The following ZNF888 variants were observed in gnomAD, a reference collection of about 807,000 sequenced individuals.
The protein encoded by ZNF888 is CTD-2331H12.6.
A neutral mutation model predicts 7.2 loss-of-function variants in ZNF888; 5 were observed. That is an observed-to-expected ratio of 0.70 (90% CI 0.36 to 1.46). The LOEUF is 1.46. Ranked by LOEUF, ZNF888 falls within the 40% of genes most tolerant of loss-of-function variation. The probability of loss-of-function intolerance (pLI) is 0.03; values close to 1 mark genes in which losing one functional copy is unlikely to be tolerated. For synonymous variants in ZNF888, 240 were observed against 284.3 expected (o/e 0.84, Z 1.57); for missense variants, 716 against 858.0 (o/e 0.83, Z 2.07).
At position 52,906,078 on chromosome 19, in the gene ZNF888, A is replaced by G. The variant is rs573872913; in HGVS notation, c.*87T>C. On this transcript the variant is annotated 3_prime_UTR_variant, in exon 5 of 5. Coordinates refer to ENST00000638862, the MANE Select transcript of ZNF888 (RefSeq NM_001393938.1). Reference sequence around the variant, plus strand: ...GTCTGAAAAATTTGCCACATTTACTACACTTGTAAGATCTCTATTCATTAT... The same window carrying G: ...GTCTGAAAAATTTGCCACATTTACTGCACTTGTAAGATCTCTATTCATTAT... 5 of 1,600,104 alleles carry G rather than the reference A, an allele frequency of 3.1e-6. No homozygotes were observed. The South Asian group carries it at 3.3e-5, about 11-fold the overall frequency.
At chr19:52,910,465 C>A (rs1339123001) in intron 4 of ZNF888, among the ~76,000 whole-genome samples, 1 of 151,990 alleles carries the variant, frequency 6.6e-6, no homozygotes, top group African/African-American at 2.4e-5. Context: ...AATGCGACTA[C>A]ATCTCAAAAA....
At chr19:52,916,884 C>T (rs1005634080) in intron 3 of ZNF888, among the ~76,000 whole-genome samples, 3 of 151,760 alleles carry the variant, frequency 2.0e-5, no homozygotes, top group African/African-American at 7.3e-5. Flanking sequence ...TGCACTCCAG[C>T]CTGGGTGACA....
chr19:52,920,206 G>A (rs2064808878), intron 1 of ZNF888, among the ~76,000 whole-genome samples: 1 of 63,554 alleles, frequency 1.6e-5, no homozygotes, highest in African/African-American at 5.3e-5. Flanking sequence ...CGGCTCATTG[G>A]GGATGGGCCA....
At chr19:52,913,182 CT>C (rs1476247885) in intron 4 of ZNF888, among the ~76,000 whole-genome samples, 1 of 151,870 alleles carries the variant, frequency 6.6e-6, no homozygotes, top group African/African-American at 2.4e-5. Context: ...CATAACTAAA[CT>C]TTTTTCATAT....
chr19:52,908,113 G>A lies in ZNF888; in HGVS notation c.209C>T (p.Thr70Ile). 1 of 1,614,144 alleles carries A rather than the reference G, an allele frequency of 6.2e-7. No individual in the cohort carries two copies. Among genetic ancestry groups the A allele is most frequent in the East Asian group, 2.2e-5 (1 of 44,876 alleles). ...ACTTGCCAGTCTTTGCAATGTCCCT[G>A]TGTGGATCACTTCTGTATTGCCTTT... ...IGKGNTEVIHTGTLQRLASHH... is the reference protein window; with the variant it reads ...IGKGNTEVIHIGTLQRLASHH... Residue 70 changes from threonine to isoleucine, a missense_variant, in exon 5 of 5, where the codon ACA (threonine) becomes ATA (isoleucine). This residue lies in a region of ZNF888 where 697 missense variants were observed against 803.4 expected (regional missense o/e 0.87). Coordinates refer to ENST00000638862, the MANE Select transcript of ZNF888 (RefSeq NM_001393938.1).
chr19:52,913,033 G>A (rs2064704492), intron 4 of ZNF888, among the ~76,000 whole-genome samples: 1 of 152,122 alleles, frequency 6.6e-6, no homozygotes, highest in Non-Finnish European at 1.5e-5. Flanking sequence ...CTTGAACCCG[G>A]GAGATGGAGG....
intron 4 of ZNF888, among the ~76,000 whole-genome samples, chr19:52,912,386 T>G (rs1282991375): frequency 5.3e-5 from 8 of 150,528 alleles, no homozygotes; most frequent in East Asian, 2.0e-4. Context: ...GTGCTGGGAT[T>G]ACAGGCATGA....
At position 52,906,558 on chromosome 19, in the gene ZNF888, C is replaced by A. The variant is rs2147921790; in HGVS notation, c.1764G>T (p.Arg588Ser). ...GATGACATGCAAGTTGTGACTGTGTCCTAAAAACCTTGCCACATTCATTAC... is the reference window on the plus strand; with the variant it reads ...GATGACATGCAAGTTGTGACTGTGTACTAAAAACCTTGCCACATTCATTAC... ...YKCNECGKVFRTQSQLACHHR... is the reference protein window; with the variant it reads ...YKCNECGKVFSTQSQLACHHR... The change falls in exon 5 of 5, where the codon AGG (arginine) becomes AGT (serine). Residue 588 changes from arginine (R) to serine (S), a missense_variant. Coordinates refer to ENST00000638862, the MANE Select transcript of ZNF888 (RefSeq NM_001393938.1). The A allele has an allele frequency of 1.2e-6, 2 of 1,612,658 alleles. No homozygotes were observed. Among genetic ancestry groups the A allele is most frequent in the Non-Finnish European group, 1.7e-6 (2 of 1,179,560 alleles).
At position 52,906,852 on chromosome 19, in the gene ZNF888, A is replaced by T. The variant is rs577905455; in HGVS notation, c.1470T>A (p.Gly490=). 34 of 1,610,810 alleles carry T rather than the reference A, an allele frequency of 2.1e-5. No homozygotes were observed. In the South Asian group the frequency reaches 3.4e-4, roughly 16 times the overall value. Reference sequence around the variant, plus strand: ...AAACCTTACATTTGTATGGTTTCTCACCAGTGTGAATTCTCCTATGTCTTT... The same window carrying T: ...AAACCTTACATTTGTATGGTTTCTCTCCAGTGTGAATTCTCCTATGTCTTT... ...HLERHRRIHT[G]EKPYKCKVCD... The change falls in exon 5 of 5, where the codon GGT becomes GGA. Residue 490 remains glycine (G), a synonymous_variant. Transcript: ENST00000638862.
chr19:52,915,579 A>T (rs189210969), intron 3 of ZNF888, among the ~76,000 whole-genome samples: 16 of 151,680 alleles, frequency 1.1e-4, no homozygotes, highest in Admixed American at 6.6e-4. Context: ...GGTTCATGCC[A>T]TTCTCCTCCC....
intron 1 of ZNF888, among the ~76,000 whole-genome samples, chr19:52,920,012 A>C (rs1869466739): frequency 2.1e-5 from 1 of 47,438 alleles, no homozygotes; most frequent in African/African-American, 9.1e-5. Flanking sequence ...GGCCGCCCCT[A>C]CTGGGAAGTG....
intron 1 of ZNF888, among the ~76,000 whole-genome samples, chr19:52,922,925 T>G (rs1045298813): frequency 6.6e-6 from 1 of 151,336 alleles, no homozygotes; most frequent in African/African-American, 2.4e-5. Flanking sequence ...GGGGGGGAGA[T>G]GACGCCTTCG....
At chr19:52,919,635 A>G (rs2064798184) in intron 1 of ZNF888, among the ~76,000 whole-genome samples, 1 of 68,504 alleles carries the variant, frequency 1.5e-5, no homozygotes. Context: ...GAAAGTGAGG[A>G]GCGTCTCTGC....
At chr19:52,910,320 A>T (rs2064663544) in intron 4 of ZNF888, among the ~76,000 whole-genome samples, 1 of 152,112 alleles carries the variant, frequency 6.6e-6, no homozygotes, top group Non-Finnish European at 1.5e-5. Context: ...AAATACAAAA[A>T]AAATTAGCTA....
rs1037907700 is a variant in ZNF888 at position 52,907,405 on chromosome 19, G to A, written c.917C>T (p.Thr306Met). 1.5e-5 allele frequency: 24 copies of A among 1,612,174 alleles called. 1 individual carries two copies. Among genetic ancestry groups the A allele is most frequent in the South Asian group, 9.9e-5 (9 of 90,894 alleles). The change falls in exon 5 of 5, where the codon ACG becomes ATG. Residue 306 changes from threonine (T) to methionine (M), a missense_variant. This residue lies in a region of ZNF888 where 697 missense variants were observed against 803.4 expected (regional missense o/e 0.87). Transcript: ENST00000638862. ...TAAGAGGGCTGACTTGTCACTGAAC[G>A]TCTTGCCACACTCATTACACTTGTA... is the stretch of plus-strand genomic sequence containing the variant. ...KPYKCNECGK[T>M]FSDKSALLVH...
Position 52,905,409 on chromosome 19 carries a change from T to C in ZNF888, c.*756A>G, listed in dbSNP as rs940018911. The C allele has an allele frequency of 6.4e-6, 1 of 156,748 alleles. No individual in the cohort carries two copies. Among genetic ancestry groups the C allele is most frequent in the African/African-American group, 2.5e-5 (1 of 40,310 alleles). 9.7% of individuals were successfully genotyped at this position (156,748 alleles called of 1,614,324 possible). ...CCACCCCATCTCCCTTCCCTGACTC[T>C]CTTTTCGGACTCAGCTTGCCTGCAC... is the stretch of plus-strand genomic sequence containing the variant. On this transcript the variant is annotated 3_prime_UTR_variant, in exon 5 of 5. Transcript: ENST00000638862.
rs1474719995 is a variant in ZNF888 at position 52,920,939 on chromosome 19, A to T, written c.-177-2002T>A. The stretch of plus-strand genomic sequence containing the variant: ...CTCAGAATAAATCTCTTCAAATATT[A>T]AAAAAAAAAAAAAAAAAAAAAAAAA... On this transcript the variant is annotated intron_variant, in intron 1 of 4. Transcript: ENST00000638862. 2.5e-3 allele frequency among the ~76,000 whole-genome samples: 88 copies of T among 35,320 alleles called. 20 individuals are homozygous for T. The highest frequency in any genetic ancestry group is 0.011 in the African/African-American group (83 of 7,872). The allele number at this position is 35,320 out of a possible 152,430, so 23.2% of individuals were successfully genotyped here. A position where few individuals can be genotyped will look rare whatever the true frequency, so the allele number is the denominator to read the frequency against.
intron 3 of ZNF888, among the ~76,000 whole-genome samples, chr19:52,915,534 G>A (rs1039563781): frequency 1.2e-5 from 1 of 86,034 alleles, no homozygotes; most frequent in Non-Finnish European, 2.7e-5. Context: ...GAGTGCAGTG[G>A]CATGATCTCG....
chr19:52,911,601 G>T (rs1272745913), intron 4 of ZNF888, among the ~76,000 whole-genome samples: 1 of 152,046 alleles, frequency 6.6e-6, no homozygotes, highest in Admixed American at 6.5e-5. Flanking sequence ...GCCTCCCAAA[G>T]TGCTGGGATT....
Sources: gnomAD v4.1 joint callset for allele counts (sites outside exome capture counted in the v4.1 genomes callset) on GRCh38, gnomAD v4.1.1 for gene constraint, gnomAD v4.1.1 regional missense constraint, MANE v1.5 for transcripts, NCBI Gene and HGNC (gene_info 2026-07-23, HGNC 2026-07-21) for gene names.